The following TMEM50B variants were observed in gnomAD, a reference collection of about 807,000 sequenced individuals.
The protein encoded by TMEM50B is transmembrane protein 50B, also known as HCV p7-trans-regulated protein 3.
Under a neutral mutation model 23.4 loss-of-function variants are expected in TMEM50B, and 14 were observed. That is an observed-to-expected ratio of 0.60 (90% CI 0.39 to 0.93). The LOEUF (loss-of-function observed/expected upper bound fraction) is 0.93. Among genes scored for constraint, TMEM50B ranks in the 40% least tolerant of loss-of-function variants. The probability of loss-of-function intolerance (pLI) is 0.00; values close to 1 mark genes in which losing one functional copy is unlikely to be tolerated. For synonymous variants in TMEM50B, 64 were observed against 62.3 expected (o/e 1.03, Z -0.13); for missense variants, 159 against 193.0 (o/e 0.82, Z 1.04).
intron 5 of TMEM50B, among the ~76,000 whole-genome samples, chr21:33,459,595 G>A (rs2084199673): frequency 6.7e-6 from 1 of 149,430 alleles, no homozygotes. Flanking sequence ...TTGAACCTGT[G>A]AGGCGGAGGT....
intron 8 of TMEM50B, among the ~76,000 whole-genome samples, chr21:33,435,059 TTCAG>T (rs764861851): frequency 6.6e-6 from 1 of 152,222 alleles, no homozygotes; most frequent in Non-Finnish European, 1.5e-5. Flanking sequence ...TTGTTCCTCT[TTCAG>T]TCAGTCAGCT....
intron 8 of TMEM50B, chr21:33,436,977 C>A: frequency 6.2e-7 from 1 of 1,613,722 alleles, no homozygotes; most frequent in Non-Finnish European, 8.5e-7. Flanking sequence ...AAGCATGGGC[C>A]TAGCCCACTG....
chr21:33,471,940 C>T (rs1172222189), intron 1 of TMEM50B, among the ~76,000 whole-genome samples: 1 of 149,248 alleles, frequency 6.7e-6, no homozygotes, highest in African/African-American at 2.5e-5. Context: ...GAGGCTGAGG[C>T]AGAATGGCGA....
intron 5 of TMEM50B, among the ~76,000 whole-genome samples, chr21:33,459,413 C>T (rs2084197692): frequency 6.6e-6 from 1 of 152,158 alleles, no homozygotes; most frequent in African/African-American, 2.4e-5. Context: ...CACCTGTAAT[C>T]CCAGCACTTT....
Position 33,436,915 on chromosome 21 carries a change from A to G in TMEM50B, c.*2120+2299T>C, listed in dbSNP as rs866088151. ...TGACGTCTGGGACTCTGTGTCCATT[A>G]TCTCGTTTCCGGAAAAGGAGCAAGA... is the stretch of plus-strand genomic sequence containing the variant. On this transcript the variant is annotated intron_variant and NMD_transcript_variant, in intron 8 of 8. Transcript: ENST00000420455. The G allele has an allele frequency of 1.9e-6, 3 of 1,614,030 alleles. No individual in the cohort carries two copies. In the African/African-American group the frequency reaches 4.0e-5, roughly 22 times the overall value.
intron 4 of TMEM50B, among the ~76,000 whole-genome samples, chr21:33,461,300 C>T (rs1284420365): frequency 6.6e-6 from 1 of 152,108 alleles, no homozygotes; most frequent in Non-Finnish European, 1.5e-5. Flanking sequence ...TCATTTTAGA[C>T]ACCAGATAAG....
rs1464009450 is a variant in TMEM50B, at chr21:33,468,823, T to C, written c.63A>G (p.Arg21=). ...PECECIDWSE[R]RNAVASVVAG... ...CGACAACAGATGCCACAGCATTTCT[T>C]CTCTCACTCCAGTCAATACATTCAC... Residue 21 remains arginine (R), a synonymous_variant, in exon 2 of 7, where the codon AGA becomes AGG. Transcript: ENST00000542230. 2.5e-6 allele frequency: 4 copies of C among 1,613,986 alleles called. No individual in the cohort carries two copies. Among genetic ancestry groups the C allele is most frequent in the Non-Finnish European group, 2.5e-6 (3 of 1,179,998 alleles).
downstream of TMEM50B, among the ~76,000 whole-genome samples, chr21:33,448,282 C>A (rs979749017): frequency 6.6e-6 from 1 of 151,946 alleles, no homozygotes; most frequent in Non-Finnish European, 1.5e-5. Flanking sequence ...CGTGAGCCCC[C>A]ACGCCTGACC....
intron 8 of TMEM50B, chr21:33,437,028 C>A (rs2083962172): frequency 1.3e-6 from 2 of 1,556,834 alleles, no homozygotes; most frequent in African/African-American, 1.4e-5. Context: ...TGCTAGAGTT[C>A]TGTCTGGACT....
intron 8 of TMEM50B, among the ~76,000 whole-genome samples, chr21:33,438,042 T>C (rs1265218036): frequency 1.3e-5 from 2 of 150,382 alleles, no homozygotes; most frequent in African/African-American, 4.9e-5. Flanking sequence ...CCCAGCACTT[T>C]GGGAGGTCAA....
chr21:33,446,766 CAGG>C (rs965498927), downstream of TMEM50B, among the ~76,000 whole-genome samples: 3 of 151,434 alleles, frequency 2.0e-5, no homozygotes, highest in Non-Finnish European at 4.4e-5. Context: ...CCCAGCTACT[CAGG>C]AGGCTGAGGC....
chr21:33,456,980 T>C (rs58525092), intron 5 of TMEM50B, among the ~76,000 whole-genome samples: 89,272 of 152,080 alleles, frequency 0.59, 28,262 homozygotes, highest in East Asian at 0.83. Flanking sequence ...TTAGGCTGGG[T>C]GTGGTGACTC....
intron 1 of TMEM50B, 77 bp downstream of exon 1, chr21:33,479,761 G>C (rs1420881244): frequency 6.6e-6 from 1 of 152,644 alleles, no homozygotes; most frequent in African/African-American, 2.4e-5. Flanking sequence ...CCCGACGAGG[G>C]AGCCTCCTTA....
At chr21:33,460,052 T>C (rs528287267) in intron 5 of TMEM50B, among the ~76,000 whole-genome samples, 1 of 152,338 alleles carries the variant, frequency 6.6e-6, no homozygotes, top group East Asian at 1.9e-4. Context: ...TTGTGGATTT[T>C]AGAATTGTAT....
Position 33,449,815 on chromosome 21 carries a change from A to G in TMEM50B, c.*1003T>C, listed in dbSNP as rs549316630. On this transcript the variant is annotated 3_prime_UTR_variant, in exon 7 of 7. Coordinates refer to ENST00000542230, the MANE Select transcript of TMEM50B (RefSeq NM_006134.7). ...AATTGTGTAACATCAGATAATGGCAAGTTGTCAAAAGATAACCCCAGTGGA... is the reference window on the plus strand; with the variant it reads ...AATTGTGTAACATCAGATAATGGCAGGTTGTCAAAAGATAACCCCAGTGGA... 13 of 152,774 alleles carry G rather than the reference A, an allele frequency of 8.5e-5. No homozygotes were observed. In the South Asian group the frequency reaches 2.7e-3, roughly 32 times the overall value. The allele number at this position is 152,774 out of a possible 1,614,324, so 9.5% of individuals were successfully genotyped here. A position where few individuals can be genotyped will look rare whatever the true frequency, so the allele number is the denominator to read the frequency against.
chr21:33,445,547 CA>C (rs200513937), downstream of TMEM50B, among the ~76,000 whole-genome samples: 1,667 of 152,380 alleles, frequency 0.011, 14 homozygotes, highest in Non-Finnish European at 0.018. Context: ...TAATTCCCTG[CA>C]CTTTGGGAGG....
intron 8 of TMEM50B, among the ~76,000 whole-genome samples, chr21:33,434,294 G>A (rs1208219855): frequency 6.6e-6 from 1 of 152,052 alleles, no homozygotes; most frequent in Admixed American, 6.6e-5. Flanking sequence ...GGCCAGGGTG[G>A]GCAGATCACC....
At chr21:33,448,877 A>C (rs549133121), downstream of TMEM50B, 20 of 151,850 alleles carry the variant, frequency 1.3e-4, no homozygotes, top group African/African-American at 4.6e-4. Context: ...ACTGCACTCC[A>C]GCCTAGGCAA....
At chr21:33,461,924 G>A (rs1054382100) in intron 4 of TMEM50B, among the ~76,000 whole-genome samples, 45 of 152,044 alleles carry the variant, frequency 3.0e-4, no homozygotes, top group African/African-American at 9.4e-4. Context: ...GTATGTCTGA[G>A]GGCATATTAA....
Sources: allele counts gnomAD v4.1 joint callset (sites outside exome capture counted in the v4.1 genomes callset), GRCh38; gene constraint gnomAD v4.1.1; transcripts MANE v1.5; gene names NCBI Gene and HGNC (gene_info 2026-07-23, HGNC 2026-07-21).